The following MARCHF10 variants were observed in gnomAD, a reference collection of about 807,000 sequenced individuals.
MARCHF10 encodes the protein probable E3 ubiquitin-protein ligase MARCHF10.
Under a neutral mutation model 76.2 loss-of-function variants are expected in MARCHF10, and 64 were observed. The observed-to-expected ratio is 0.84, with a 90% CI of 0.69 to 1.03. MARCHF10 has a LOEUF of 1.03. Among genes scored for constraint, MARCHF10 ranks in the 50% least tolerant of loss-of-function variants. The pLI is 0.00. For missense variants in MARCHF10, 875 were observed against 958.0 expected, an observed-to-expected ratio of 0.91 and a Z score of 1.14; for synonymous variants, 340 against 357.5, an observed-to-expected ratio of 0.95 and a Z score of 0.55.
chr17:62,795,840 C>T (rs1038596977), intron 2 of MARCHF10, among the ~76,000 whole-genome samples: 1 of 152,048 alleles, frequency 6.6e-6, no homozygotes, highest in Admixed American at 6.6e-5. Flanking sequence ...TCACACTGGA[C>T]CTGGAGTGAA....
At chr17:62,775,218 C>T (rs2092528220) in intron 3 of MARCHF10, among the ~76,000 whole-genome samples, 1 of 150,976 alleles carries the variant, frequency 6.6e-6, no homozygotes, top group Non-Finnish European at 1.5e-5. Flanking sequence ...CTCTGCCTCT[C>T]GGGTTCAGGC....
At chr17:62,721,112 G>T (rs565602465) in intron 8 of MARCHF10, among the ~76,000 whole-genome samples, 8 of 152,122 alleles carry the variant, frequency 5.3e-5, no homozygotes, top group Admixed American at 3.9e-4. Context: ...CAAGTGATCC[G>T]CCCACCTTGG....
chr17:62,730,750 C>A (rs534144733), intron 6 of MARCHF10, among the ~76,000 whole-genome samples: 1 of 151,956 alleles, frequency 6.6e-6, no homozygotes, highest in African/African-American at 2.4e-5. Flanking sequence ...AAAAATTAGC[C>A]GTGCATGGTG....
intron 8 of MARCHF10, among the ~76,000 whole-genome samples, chr17:62,719,780 T>A (rs1317458998): frequency 1.3e-5 from 2 of 152,214 alleles, no homozygotes; most frequent in African/African-American, 4.8e-5. Flanking sequence ...ATTCTCCTTC[T>A]GGGTATTCCC....
chr17:62,750,220 A>G (rs891342535), intron 4 of MARCHF10: 2 of 152,938 alleles, frequency 1.3e-5, no homozygotes, highest in African/African-American at 4.8e-5. Flanking sequence ...GGTAAATCCT[A>G]CTGGGCCTTC....
intron 8 of MARCHF10, among the ~76,000 whole-genome samples, chr17:62,718,120 A>T (rs1346697702): frequency 6.6e-6 from 1 of 151,992 alleles, no homozygotes; most frequent in African/African-American, 2.4e-5. Context: ...GAGGTGATGT[A>T]CTCGAGTCTT....
chr17:62,770,851 CTT>C (rs35064058), intron 3 of MARCHF10, among the ~76,000 whole-genome samples: 1 of 83,620 alleles, frequency 1.2e-5, no homozygotes, highest in Non-Finnish European at 2.2e-5. Context: ...TGTATTTTGA[CTT>C]TTTTTTTTTT....
intron 3 of MARCHF10, among the ~76,000 whole-genome samples, chr17:62,774,199 G>A (rs551591691): frequency 3.3e-5 from 5 of 152,268 alleles, no homozygotes; most frequent in Non-Finnish European, 5.9e-5. Flanking sequence ...TCTTTTGGGC[G>A]ATGACACCAC....
At chr17:62,793,508 TCAC>T (rs372696358) in intron 2 of MARCHF10, among the ~76,000 whole-genome samples, 20,175 of 35,990 alleles carry the variant, frequency 0.56, 4,806 homozygotes, top group African/African-American at 0.71. Context: ...ACCACCTCCA[TCAC>T]CACCACCACC....
intron 4 of MARCHF10, among the ~76,000 whole-genome samples, chr17:62,759,341 G>A (rs2092131874): frequency 6.6e-6 from 1 of 152,190 alleles, no homozygotes; most frequent in Admixed American, 6.5e-5. Context: ...TACATTGCAC[G>A]ATTCATGCCT....
At chr17:62,804,090 G>A (rs945441437) in intron 1 of MARCHF10, among the ~76,000 whole-genome samples, 3 of 152,182 alleles carry the variant, frequency 2.0e-5, no homozygotes, top group Non-Finnish European at 2.9e-5. Context: ...AAGTCATCAG[G>A]GCTTGCGATT....
At chr17:62,756,828 C>T (rs1460465264) in intron 4 of MARCHF10, among the ~76,000 whole-genome samples, 1 of 152,186 alleles carries the variant, frequency 6.6e-6, no homozygotes, top group Non-Finnish European at 1.5e-5. Flanking sequence ...TGCCCATAAA[C>T]CGCATGCGCC....
At chr17:62,722,299 A>G (rs1275444721) in intron 8 of MARCHF10, among the ~76,000 whole-genome samples, 189 bp downstream of exon 8, 1 of 143,448 alleles carries the variant, frequency 7.0e-6, no homozygotes, top group African/African-American at 2.6e-5. Context: ...AAAAAAAAAA[A>G]GGCTTTTCAA....
intron 3 of MARCHF10, among the ~76,000 whole-genome samples, chr17:62,768,576 C>A (rs533025856): frequency 1.3e-5 from 2 of 152,274 alleles, no homozygotes; most frequent in East Asian, 3.9e-4. Context: ...GCAATAGATA[C>A]CTTTCTAGAA....
rs2093003687 is a variant in MARCHF10, at chr17:62,797,396, G to A, written c.90+4250C>T. On this transcript the variant is annotated intron_variant, in intron 2 of 10. Transcript: ENST00000311269. ...ATTTTTTGTATTTTTAGTAGAGACG[G>A]GGTTTCACGATGTTGGCCAGGCTGG... Among the ~76,000 whole-genome samples, 3 of 152,098 alleles carry A rather than the reference G, an allele frequency of 2.0e-5. No homozygotes were observed. In the South Asian group the frequency reaches 6.2e-4, roughly 32 times the overall value.
intron 3 of MARCHF10, chr17:62,780,884 A>G (rs755687881): frequency 6.6e-6 from 1 of 152,046 alleles, no homozygotes; most frequent in African/African-American, 2.4e-5. Context: ...ATCATCTTCT[A>G]TGGGGAAATC....
At position 62,739,737 on chromosome 17, in the gene MARCHF10, G is replaced by A. The variant is rs117162714; in HGVS notation, c.536-2405C>T. 2.0e-4 allele frequency among the ~76,000 whole-genome samples: 31 copies of A among 152,246 alleles called. No individual in the cohort carries two copies. The East Asian group carries it at 4.8e-3, about 24-fold the overall frequency. ...AGGGCCTTGGAGGTGAGCTCACAGC[G>A]CTGGAACCGGAATCTTCCGGTCATT... On this transcript the variant is annotated intron_variant, in intron 5 of 10. Transcript: ENST00000311269.
Position 62,701,751 on chromosome 17 carries a change from C to G in MARCHF10, c.2379G>C (p.Glu793Asp), listed in dbSNP as rs752249613. The change falls in exon 11 of 11, where the codon GAG becomes GAC. Residue 793 changes from glutamate to aspartate, a missense_variant. Coordinates refer to ENST00000311269, the MANE Select transcript of MARCHF10 (RefSeq NM_152598.4). ...QPRTEENENS[E>D]LGDGNEGSIS... ...TGCTGCCTTCATTTCCATCTCCCAA[C>G]TCCGAATCTGGAAGGCAAGAAGGTG... 3.1e-5 allele frequency: 50 copies of G among 1,614,180 alleles called. 1 individual carries two copies. The Admixed American group carries it at 7.0e-4, about 23-fold the overall frequency.
intron 4 of MARCHF10, among the ~76,000 whole-genome samples, chr17:62,756,173 G>C (rs1006178588): frequency 5.3e-5 from 8 of 152,158 alleles, no homozygotes; most frequent in African/African-American, 1.9e-4. Flanking sequence ...GCTTGAGTCC[G>C]GGAGGCGGAG....
Sources: allele counts gnomAD v4.1 joint callset (sites outside exome capture counted in the v4.1 genomes callset), GRCh38; gene constraint gnomAD v4.1.1; transcripts MANE v1.5; gene names NCBI Gene and HGNC (gene_info 2026-07-23, HGNC 2026-07-21).